PALS1: variants seen among roughly 807,000 people sequenced by gnomAD.
The protein encoded by PALS1 is protein associated with LIN7 1, MAGUK p55 family member, also known as protein PALS1.
A neutral mutation model predicts 78.9 loss-of-function variants in PALS1; 31 were observed. The ratio of observed to expected loss-of-function variants is 0.39; its 90% CI spans 0.30 to 0.53. PALS1 has a LOEUF of 0.53. Among genes scored for constraint, PALS1 ranks in the 20% least tolerant of loss-of-function variants. PALS1 has a pLI of 0.67. For missense variants in PALS1, 704 were observed against 826.5 expected (o/e 0.85, Z 1.82); for synonymous variants, 276 against 270.9 (o/e 1.02, Z -0.18).
At chr14:67,251,505 C>T (rs940555410) in intron 1 of PALS1, among the ~76,000 whole-genome samples, 1 of 151,992 alleles carries the variant, frequency 6.6e-6, no homozygotes, top group African/African-American at 2.4e-5. Flanking sequence ...TGCACTTCAG[C>T]CTGGTCAACA....
intron 4 of PALS1, among the ~76,000 whole-genome samples, chr14:67,293,427 A>G (rs1402605996): frequency 2.0e-5 from 3 of 152,148 alleles, no homozygotes; most frequent in Admixed American, 6.5e-5. Flanking sequence ...TATTTCATTG[A>G]ATGCCAACAT....
intron 3 of PALS1, among the ~76,000 whole-genome samples, chr14:67,285,854 A>T (rs186405648): frequency 6.6e-6 from 1 of 152,108 alleles, no homozygotes. Context: ...GGGAGGACAG[A>T]GTTTACGAGG....
rs931159159 is a variant in PALS1, at chr14:67,334,577, A to G, written c.*1621A>G. On this transcript the variant is annotated 3_prime_UTR_variant, in exon 15 of 15. Transcript: ENST00000261681. ...ATTTGAACAAATGTAGACAGTTTAT[A>G]TGTCGCCTTTTTCTGTTCAAATTTG... 8 of 152,476 alleles carry G rather than the reference A, an allele frequency of 5.2e-5. No homozygotes were observed. Among genetic ancestry groups the G allele is most frequent in the African/African-American group, 1.9e-4 (8 of 41,416 alleles). 9.4% of individuals were successfully genotyped at this position (152,476 alleles called of 1,614,324 possible). A position where few individuals can be genotyped will look rare whatever the true frequency, so the allele number is the denominator to read the frequency against.
intron 4 of PALS1, 29 bp downstream of exon 4, chr14:67,292,748 C>A: frequency 1.3e-6 from 2 of 1,552,794 alleles, no homozygotes; most frequent in Non-Finnish European, 1.8e-6. Context: ...TTGTTGATGT[C>A]TACAAGGTAA....
chr14:67,303,672 C>T, intron 8 of PALS1, 73 bp downstream of exon 8: 2 of 1,026,612 alleles, frequency 1.9e-6, no homozygotes, highest in South Asian at 1.3e-5. Flanking sequence ...TTTACTGTTA[C>T]AGAAATGTCA....
At chr14:67,261,370 A>G (rs1039446616) in intron 1 of PALS1, among the ~76,000 whole-genome samples, 2 of 152,172 alleles carry the variant, frequency 1.3e-5, no homozygotes, top group Non-Finnish European at 2.9e-5. Flanking sequence ...ATGAGAAGGG[A>G]GAAGCTAAGA....
intron 9 of PALS1, among the ~76,000 whole-genome samples, chr14:67,315,347 G>A (rs2085154658): frequency 7.5e-6 from 1 of 132,878 alleles, no homozygotes. Flanking sequence ...CATGATCTCA[G>A]CTCACTGCAA....
At chr14:67,327,393 C>T (rs1033630662) in intron 14 of PALS1, among the ~76,000 whole-genome samples, 3 of 151,608 alleles carry the variant, frequency 2.0e-5, no homozygotes, top group Admixed American at 6.6e-5. Context: ...GTGGCTCACA[C>T]CTGTAATCCC....
At chr14:67,255,361 C>G (rs750747186) in intron 1 of PALS1, among the ~76,000 whole-genome samples, 1 of 152,094 alleles carries the variant, frequency 6.6e-6, no homozygotes, top group Non-Finnish European at 1.5e-5. Flanking sequence ...TAAATGTAAT[C>G]AGAATCATGA....
In PALS1 at chr14:67,292,643, A is replaced by G. The variant is rs765506444; in HGVS notation, c.500A>G (p.Asn167Ser). ...KDFQNAFKIH[N>S]AITVHMNKAS... ...TTCCAGAATGCATTTAAGATACACA[A>G]TGCCATCACAGTACACATGAACAAG... Residue 167 changes from asparagine (N) to serine (S), a missense_variant, in exon 4 of 15, where the codon AAT becomes AGT. Physicochemically the swap from Asn to Ser is conservative, Grantham distance 46. Transcript: ENST00000261681. 2.5e-5 allele frequency: 40 copies of G among 1,613,650 alleles called. No homozygotes were observed. Among genetic ancestry groups the G allele is most frequent in the Non-Finnish European group, 3.3e-5 (39 of 1,179,788 alleles).
chr14:67,309,258 T>C (rs2085053144), intron 8 of PALS1, among the ~76,000 whole-genome samples: 1 of 152,118 alleles, frequency 6.6e-6, no homozygotes, highest in Non-Finnish European at 1.5e-5. Context: ...GCAGGAAAGA[T>C]TGGTGGAGAT....
chr14:67,267,646 C>G (rs939312527), intron 1 of PALS1, among the ~76,000 whole-genome samples: 3 of 152,162 alleles, frequency 2.0e-5, no homozygotes, highest in Non-Finnish European at 4.4e-5. Flanking sequence ...TTTATGGGAA[C>G]AGTTTAAGTT....
chr14:67,289,081 C>T (rs2084733270), intron 3 of PALS1, among the ~76,000 whole-genome samples: 1 of 150,986 alleles, frequency 6.6e-6, no homozygotes, highest in South Asian at 2.1e-4. Flanking sequence ...ATTCTCCTGC[C>T]TCAGCCTCCC....
intron 1 of PALS1, among the ~76,000 whole-genome samples, chr14:67,268,671 A>C (rs1021114378): frequency 7.9e-5 from 12 of 152,216 alleles, no homozygotes; most frequent in South Asian, 2.1e-4. Flanking sequence ...ATGCTAACGC[A>C]TTATAATTAG....
At chr14:67,257,950 A>T (rs1285939935) in intron 1 of PALS1, among the ~76,000 whole-genome samples, 1 of 152,186 alleles carries the variant, frequency 6.6e-6, no homozygotes, top group Non-Finnish European at 1.5e-5. Flanking sequence ...GCTGTCACCA[A>T]GGTAGTGAAT....
intron 9 of PALS1, among the ~76,000 whole-genome samples, chr14:67,316,199 C>T (rs1026733619): frequency 8.5e-5 from 13 of 152,144 alleles, no homozygotes; most frequent in African/African-American, 2.4e-4. Flanking sequence ...AAGTAGAAGT[C>T]GGAAAAGAAA....
intron 3 of PALS1, among the ~76,000 whole-genome samples, chr14:67,291,315 G>A (rs1244094065): frequency 2.7e-5 from 4 of 147,910 alleles, no homozygotes; most frequent in Non-Finnish European, 4.5e-5. Flanking sequence ...TGCAACCTCC[G>A]CCTCCTGGGT....
chr14:67,247,403 GCTTT>G (rs1354360611), intron 1 of PALS1, among the ~76,000 whole-genome samples: 1 of 152,066 alleles, frequency 6.6e-6, no homozygotes, highest in Non-Finnish European at 1.5e-5. Context: ...AGCTCTAGGA[GCTTT>G]TTTATTTTAG....
intron 2 of PALS1, among the ~76,000 whole-genome samples, chr14:67,274,748 C>G (rs566247256): frequency 6.6e-6 from 1 of 152,262 alleles, no homozygotes; most frequent in South Asian, 2.1e-4. Context: ...TTCTTCCCAT[C>G]CATGAGCATG....
Sources: gnomAD v4.1 joint callset for allele counts (sites outside exome capture counted in the v4.1 genomes callset) on GRCh38, gnomAD v4.1.1 for gene constraint, MANE v1.5 for transcripts, NCBI Gene and HGNC (gene_info 2026-07-23, HGNC 2026-07-21) for gene names.